Variants in NADSYN1 observed in about 807,000 individuals in gnomAD.
The protein encoded by NADSYN1 is glutamine-dependent NAD(+) synthetase.
A neutral mutation model predicts 99.3 loss-of-function variants in NADSYN1; 80 were observed. The ratio of observed to expected loss-of-function variants is 0.81; its 90% CI spans 0.67 to 0.97. The LOEUF is 0.97. Ranked by LOEUF, NADSYN1 falls within the 50% of genes least tolerant of loss-of-function variation. The pLI is 0.00. For missense variants in NADSYN1, 859 were observed against 948.5 expected (o/e 0.91, Z 1.24); for synonymous variants, 385 against 372.1 (o/e 1.03, Z -0.40).
chr11:71,497,291 C>T (rs559600330), intron 18 of NADSYN1, 192 bp from the exon 19 acceptor site: 16 of 632,546 alleles, frequency 2.5e-5, no homozygotes, highest in Non-Finnish European at 3.5e-5. Context: ...ATGCCTGGTT[C>T]TTCGTTGCTG....
Position 71,472,419 on chromosome 11 carries a change from T to C in NADSYN1, c.408-30T>C, listed in dbSNP as rs1377242477. The C allele has an allele frequency of 2.6e-6, 4 of 1,561,804 alleles. No homozygotes were observed. In the Admixed American group the frequency reaches 6.7e-5, roughly 26 times the overall value. On this transcript the variant is annotated intron_variant, in intron 5 of 20. Coordinates refer to ENST00000319023, the MANE Select transcript of NADSYN1 (RefSeq NM_018161.5). ...TTCCTCATTTGTCCTGAGATGCTCA[T>C]CCTCAGCTCCTCGGTGTTTTCCTCT...
chr11:71,470,458 C>G (rs1949619708), intron 5 of NADSYN1, among the ~76,000 whole-genome samples: 1 of 152,264 alleles, frequency 6.6e-6, no homozygotes, highest in African/African-American at 2.4e-5. Flanking sequence ...GCTCCTTCAC[C>G]TGGGTACTGT....
chr11:71,497,658 T>A (rs1388084991), intron 19 of NADSYN1, 47 bp downstream of exon 19: 6 of 1,612,168 alleles, frequency 3.7e-6, no homozygotes, highest in Non-Finnish European at 4.2e-6. Context: ...TTAGGTAATG[T>A]CCCCTTTGCA....
In NADSYN1 at chr11:71,497,607, G is replaced by A. The variant is rs760227645; in HGVS notation, c.1889G>A (p.Arg630Lys). 1.1e-5 allele frequency: 18 copies of A among 1,613,940 alleles called. No homozygotes were observed. Among genetic ancestry groups the A allele is most frequent in the Non-Finnish European group, 1.5e-5 (18 of 1,180,012 alleles). The change falls in exon 19 of 21, where the codon AGA becomes AAA. Residue 630 changes from arginine to lysine, a missense_variant. Arg to Lys is a conservative substitution (Grantham distance 26, BLOSUM62 2). Transcript: ENST00000319023. The part of the protein sequence containing the change: ...LGMWRHICTP[R>K]QVADKVKRFF... ...ATGTGGAGACACATCTGCACCCCGA[G>A]ACAGGTAAAGCCTGTGAGACGCATC...
intron 16 of NADSYN1, among the ~76,000 whole-genome samples, chr11:71,488,499 G>A (rs1949758759): frequency 6.6e-6 from 1 of 152,186 alleles, no homozygotes; most frequent in Non-Finnish European, 1.5e-5. Context: ...GTGGGGACTG[G>A]AAGACCTGCA....
intron 18 of NADSYN1, among the ~76,000 whole-genome samples, chr11:71,496,233 G>C (rs1365270385): frequency 6.6e-6 from 1 of 152,202 alleles, no homozygotes; most frequent in Non-Finnish European, 1.5e-5. Flanking sequence ...CTGAAATCAA[G>C]GTGTTGGCAG....
At chr11:71,482,503 C>T (rs978244851) in intron 13 of NADSYN1, among the ~76,000 whole-genome samples, 1 of 148,930 alleles carries the variant, frequency 6.7e-6, no homozygotes, top group Non-Finnish European at 1.5e-5. Context: ...GGTGCAGCCG[C>T]ACAGGCACCT....
Position 71,473,024 on chromosome 11 carries a change from C to T in NADSYN1, c.460-254C>T, listed in dbSNP as rs542207675. 5.3e-5 allele frequency among the ~76,000 whole-genome samples: 8 copies of T among 152,348 alleles called. No individual in the cohort carries two copies. In the East Asian group the frequency reaches 5.8e-4, roughly 11 times the overall value. On this transcript the variant is annotated intron_variant, in intron 6 of 20. Coordinates refer to ENST00000319023, the MANE Select transcript of NADSYN1 (RefSeq NM_018161.5). ...CCCAATTGGCAGCCCCATCGATGTCCGTGACATTCTGCCCCTTGGCTGCTC... is the reference window on the plus strand; with the variant it reads ...CCCAATTGGCAGCCCCATCGATGTCTGTGACATTCTGCCCCTTGGCTGCTC...
chr11:71,454,285 C>A (rs1330701738), intron 1 of NADSYN1, among the ~76,000 whole-genome samples: 1 of 152,210 alleles, frequency 6.6e-6, no homozygotes, highest in Non-Finnish European at 1.5e-5. Context: ...CATCTTGGCT[C>A]ACTGCAGTCT....
intron 9 of NADSYN1, chr11:71,477,197 G>A (rs1949673593): frequency 8.5e-7 from 1 of 1,180,496 alleles, no homozygotes; most frequent in Non-Finnish European, 1.1e-6. Flanking sequence ...GGCTTGTCGT[G>A]TGCCTGGAGT....
At chr11:71,483,620 A>C (rs893458005) in intron 14 of NADSYN1, among the ~76,000 whole-genome samples, 1 of 152,196 alleles carries the variant, frequency 6.6e-6, no homozygotes, top group African/African-American at 2.4e-5. Flanking sequence ...GAAAATGAGC[A>C]GCTCCCCATC....
rs145428659 is a variant in NADSYN1 at position 71,458,087 on chromosome 11, T to G, written c.147-341T>G. Among the ~76,000 whole-genome samples, 417 of 152,316 alleles carry G rather than the reference T, an allele frequency of 2.7e-3. 4 individuals are homozygous for G. The highest frequency in any genetic ancestry group is 9.7e-3 in the African/African-American group (402 of 41,562). ...GAATGGATTTCTGTGGGTCCAGCTT[T>G]GTTTCTTTGAGGTTCTTCTCTTGTA... On this transcript the variant is annotated intron_variant, in intron 2 of 20. Coordinates refer to ENST00000319023, the MANE Select transcript of NADSYN1 (RefSeq NM_018161.5).
rs765009514 is a variant in NADSYN1, at chr11:71,482,866, G to A, written c.1168G>A (p.Asp390Asn). The change falls in exon 14 of 21, where the codon GAT (aspartate) becomes AAT (asparagine). Residue 390 changes from aspartate to asparagine, a missense_variant. By Grantham distance (23) the Asp-to-Asn change is conservative. Transcript: ENST00000319023. ...GTTTTCAGATGAGGAAGTGCTGGCT[G>A]ATGTCCGCACCATCGTGAACCAGAT... is the stretch of plus-strand genomic sequence containing the variant. Reference protein sequence around the residue: ...VRSGNEEVLADVRTIVNQISY... With the variant: ...VRSGNEEVLANVRTIVNQISY... The A allele has an allele frequency of 9.3e-6, 15 of 1,612,640 alleles. No individual in the cohort carries two copies. Among genetic ancestry groups the A allele is most frequent in the Non-Finnish European group, 1.2e-5 (14 of 1,179,450 alleles).
chr11:71,481,843 C>T, intron 12 of NADSYN1, 80 bp from the exon 13 acceptor site: 1 of 1,313,712 alleles, frequency 7.6e-7, no homozygotes, highest in South Asian at 1.3e-5. Flanking sequence ...TCCTTGAGGT[C>T]TATGGGTGGA....
chr11:71,492,792 T>C (rs1949791646), intron 18 of NADSYN1, among the ~76,000 whole-genome samples: 1 of 152,194 alleles, frequency 6.6e-6, no homozygotes, highest in Non-Finnish European at 1.5e-5. Context: ...TAGATCAGTT[T>C]GGAGTTCGGG....
chr11:71,458,958 C>G (rs1949531016), intron 3 of NADSYN1: 1 of 209,188 alleles, frequency 4.8e-6, no homozygotes, highest in Non-Finnish European at 1.0e-5. Flanking sequence ...TCTGCATGCT[C>G]CATGCTGGTG....
intron 4 of NADSYN1, 152 bp from the exon 5 acceptor site, chr11:71,463,901 G>A (rs571518648): frequency 1.3e-4 from 80 of 620,438 alleles, no homozygotes; most frequent in African/African-American, 1.2e-3. Context: ...CATAGAAAGC[G>A]GAAGCCCAGA....
intron 13 of NADSYN1, among the ~76,000 whole-genome samples, chr11:71,482,426 G>A (rs1309621618): frequency 2.0e-5 from 3 of 152,200 alleles, no homozygotes; most frequent in East Asian, 1.9e-4. Context: ...CTGGGCTGGC[G>A]CTGCACAGGC....
chr11:71,455,523 G>T, intron 2 of NADSYN1: 1 of 254,546 alleles, frequency 3.9e-6, no homozygotes, highest in East Asian at 8.9e-5. Context: ...ATGGAATTAA[G>T]AGATGAGGCC....
Sources: gnomAD v4.1 joint callset for allele counts (sites outside exome capture counted in the v4.1 genomes callset) on GRCh38, gnomAD v4.1.1 for gene constraint, MANE v1.5 for transcripts, NCBI Gene and HGNC (gene_info 2026-07-23, HGNC 2026-07-21) for gene names.